The following ZNF75A variants were observed in gnomAD, a reference collection of about 807,000 sequenced individuals.
ZNF75A encodes the protein zinc finger protein 75A.
In ZNF75A, 36 loss-of-function variants were observed where a neutral mutation model predicts 46.3. The observed-to-expected ratio is 0.78, with a 90% CI of 0.60 to 1.03. The LOEUF is 1.03. ZNF75A is among the 50% of genes least tolerant of loss of function. The pLI is 0.00. For missense variants in ZNF75A, 595 were observed against 551.3 expected (o/e 1.08, Z -0.79); for synonymous variants, 234 against 189.9 (o/e 1.23, Z -1.91).
Position 3,317,686 on chromosome 16 carries a change from A to G in ZNF75A, c.1431A>G (p.Gln477=). 6.2e-7 allele frequency: 1 copy of G among 1,614,210 alleles called. No individual in the cohort carries two copies. Among genetic ancestry groups the G allele is most frequent in the Non-Finnish European group, 8.5e-7 (1 of 1,180,026 alleles). ...FSQNTNLHTH[Q]RTHTGEKPFT... The stretch of plus-strand genomic sequence containing the variant: ...AAAATACAAATTTACATACACACCA[A>G]AGAACTCATACAGGAGAAAAGCCCT... Residue 477 remains glutamine (Q), a synonymous_variant, in exon 7 of 7, where the codon CAA becomes CAG. Coordinates refer to ENST00000669516, the MANE Select transcript of ZNF75A (RefSeq NM_001302109.2).
downstream of ZNF75A, chr16:3,322,990 C>T (rs967598946): frequency 1.1e-6 from 1 of 939,038 alleles, no homozygotes; most frequent in African/African-American, 1.8e-5. Context: ...GGAATTTTTC[C>T]TTGGAACTGG....
At chr16:3,313,015 C>A (rs1960927823) in intron 4 of ZNF75A, 34 bp from the exon 5 acceptor site, 2 of 1,592,858 alleles carry the variant, frequency 1.3e-6, no homozygotes, top group South Asian at 2.3e-5. Flanking sequence ...TGTACAGTGG[C>A]AGGTTCTGAG....
chr16:3,310,749 GA>G, intron 2 of ZNF75A: 1 of 985,454 alleles, frequency 1.0e-6, no homozygotes, highest in Non-Finnish European at 1.2e-6. Flanking sequence ...CCAAGGACAG[GA>G]AATGCACTGA....
Position 3,311,924 on chromosome 16 carries a change from G to A in ZNF75A, c.580G>A (p.Glu194Lys). ...QEQLSRNTHK[E>K]TEPVYERAVP... is the part of the protein sequence containing the mutation. ...ACAGCTCAGCAGGAATACTCATAAA[G>A]AGACTGAGCCTGTGTATGAGAGGGG... Residue 194 changes from glutamate to lysine, a missense_variant, in exon 3 of 7, where the codon GAG becomes AAG. Coordinates refer to ENST00000669516, the MANE Select transcript of ZNF75A (RefSeq NM_001302109.2). 1.0e-6 allele frequency: 1 copy of A among 987,458 alleles called. No homozygotes were observed. The highest frequency in any genetic ancestry group is 1.2e-6 in the Non-Finnish European group (1 of 830,564). The allele number at this position is 987,458 out of a possible 1,614,324, so 61.2% of individuals were successfully genotyped here. A position where few individuals can be genotyped will look rare whatever the true frequency, so the allele number is the denominator to read the frequency against.
downstream of ZNF75A, chr16:3,323,119 C>A (rs752890420): frequency 3.4e-5 from 18 of 528,988 alleles, no homozygotes; most frequent in African/African-American, 3.4e-4. Context: ...TAAAAAAAAT[C>A]TCAAAAAAAC....
Position 3,311,834 on chromosome 16 carries a change from G to T in ZNF75A, c.490G>T (p.Glu164Ter), listed in dbSNP as rs969762366. Residue 164 changes from glutamate (E) to a stop codon, truncating the protein, a stop_gained, in exon 3 of 7, where the codon GAG (glutamate) becomes TAG (stop). Transcript: ENST00000669516. LOFTEE classifies it high-confidence loss of function. ...EASSFGLKPTESQPVGVSQDE... is the reference protein window; with the variant it reads ...EASSFGLKPT ...CTCAAGTTTCGGGCTGAAGCCAACAGAGTCCCAACCAGTGGGCGTATCCCA... is the reference window on the plus strand; with the variant it reads ...CTCAAGTTTCGGGCTGAAGCCAACATAGTCCCAACCAGTGGGCGTATCCCA... 9.6e-7 allele frequency: 1 copy of T among 1,046,790 alleles called. No individual in the cohort carries two copies. The highest frequency in any genetic ancestry group is 3.5e-5 in the South Asian group (1 of 28,520). 64.8% of individuals were successfully genotyped at this position (1,046,790 alleles called of 1,614,324 possible). A position where few individuals can be genotyped will look rare whatever the true frequency, so the allele number is the denominator to read the frequency against.
chr16:3,313,138 T>A lies in ZNF75A; in HGVS notation c.786T>A (p.Asp262Glu), dbSNP rs755434992. The A allele has an allele frequency of 3.7e-6, 6 of 1,614,054 alleles. No individual in the cohort carries two copies. Among genetic ancestry groups the A allele is most frequent in the Non-Finnish European group, 5.1e-6 (6 of 1,179,960 alleles). ...CCACTCAGAAGGCCCTCTACAATGA[T>A]GTAATGCAGGAAAACTATGAGACTG... Reference protein sequence around the residue: ...LDPTQKALYNDVMQENYETVI... With the variant: ...LDPTQKALYNEVMQENYETVI... The change falls in exon 5 of 7, where the codon GAT (aspartate) becomes GAA (glutamate). Residue 262 changes from aspartate (D) to glutamate (E), a missense_variant. Asp to Glu is a conservative substitution (Grantham distance 45, BLOSUM62 2). Coordinates refer to ENST00000669516, the MANE Select transcript of ZNF75A (RefSeq NM_001302109.2).
chr16:3,309,418 C>G (rs954231187), intron 2 of ZNF75A: 4 of 147,606 alleles, frequency 2.7e-5, no homozygotes, highest in African/African-American at 1.0e-4. Flanking sequence ...CCATTGCACT[C>G]CAGCCTGGGC....
chr16:3,323,051 A>T, downstream of ZNF75A: 2 of 638,314 alleles, frequency 3.1e-6, no homozygotes, highest in Non-Finnish European at 4.5e-6. Context: ...CTTTTTTTTT[A>T]ACCCTTCCTT....
chr16:3,323,374 G>A (rs1417407496), downstream of ZNF75A: 14 of 999,778 alleles, frequency 1.4e-5, no homozygotes, highest in Non-Finnish European at 1.9e-5. Flanking sequence ...GGTCTTCCAA[G>A]CAAATGACAC....
In ZNF75A at chr16:3,313,112, C is replaced by T; in HGVS notation, c.760C>T (p.Pro254Ser). ...FSQEEWELLDPTQKALYNDVM... is the reference protein window; with the variant it reads ...FSQEEWELLDSTQKALYNDVM... ...CCAGGAAGAATGGGAGTTATTGGATCCCACTCAGAAGGCCCTCTACAATGA... is the reference window on the plus strand; with the variant it reads ...CCAGGAAGAATGGGAGTTATTGGATTCCACTCAGAAGGCCCTCTACAATGA... Residue 254 changes from proline (P) to serine (S), a missense_variant, in exon 5 of 7, where the codon CCC becomes TCC. Coordinates refer to ENST00000669516, the MANE Select transcript of ZNF75A (RefSeq NM_001302109.2). 1 of 1,613,914 alleles carries T rather than the reference C, an allele frequency of 6.2e-7. No homozygotes were observed. The highest frequency in any genetic ancestry group is 8.5e-7 in the Non-Finnish European group (1 of 1,179,850).
chr16:3,305,948 CTGCGCCCG>C (rs1233315285), intron 1 of ZNF75A: 7 of 152,238 alleles, frequency 4.6e-5, no homozygotes, highest in Admixed American at 2.0e-4. Context: ...GTGCCTGCAG[CTGCGCCCG>C]CAGACTCTTT....
chr16:3,311,198 GA>G (rs1960755239), intron 2 of ZNF75A, among the ~76,000 whole-genome samples: 1 of 150,908 alleles, frequency 6.6e-6, no homozygotes, highest in African/African-American at 2.5e-5. Flanking sequence ...AGCACTTTGG[GA>G]GGCTGAGGTG....
chr16:3,310,843 G>C, intron 2 of ZNF75A: 1 of 985,538 alleles, frequency 1.0e-6, no homozygotes, highest in Non-Finnish European at 1.2e-6. Flanking sequence ...GACAAGTTGG[G>C]AGCCAGGGTA....
intron 2 of ZNF75A, chr16:3,310,647 A>G: frequency 1.0e-6 from 1 of 985,444 alleles, no homozygotes; most frequent in South Asian, 4.7e-5. Context: ...AAACAAACAA[A>G]AAAAACAACT....
At chr16:3,312,097 T>G (rs1052258881) in intron 3 of ZNF75A, 149 bp downstream of exon 3, 6 of 202,900 alleles carry the variant, frequency 3.0e-5, no homozygotes, top group African/African-American at 1.4e-4. Flanking sequence ...CAGGCAGCAG[T>G]AGAAATGCCA....
In ZNF75A at chr16:3,317,853, A is replaced by G. The variant is rs1961347757; in HGVS notation, c.1598A>G (p.Gln533Arg). Residue 533 changes from glutamine (Q) to arginine (R), a missense_variant, in exon 7 of 7, where the codon CAG (glutamine) becomes CGG (arginine). By Grantham distance (43) the Gln-to-Arg change is conservative. Coordinates refer to ENST00000669516, the MANE Select transcript of ZNF75A (RefSeq NM_001302109.2). ...FSRRSSLLRH[Q>R]KLHL The stretch of plus-strand genomic sequence containing the variant: ...AGGCGGTCAAGCCTTCTTAGACACC[A>G]GAAACTCCACCTGTGAAGAGAAGCT... The G allele has an allele frequency of 6.2e-7, 1 of 1,608,496 alleles. No homozygotes were observed. The highest frequency in any genetic ancestry group is 8.5e-7 in the Non-Finnish European group (1 of 1,176,658).
intron 2 of ZNF75A, 28 bp from the exon 3 acceptor site, chr16:3,311,725 T>G (rs983593722): frequency 1.9e-6 from 2 of 1,040,474 alleles, no homozygotes; most frequent in African/African-American, 1.7e-5. Context: ...GTAAGTTCTG[T>G]GGTAACAAGG....
In ZNF75A at chr16:3,318,431, A is replaced by G. The variant is rs1961389167; in HGVS notation, c.*562A>G. ...GAATCTCCAGATGAACTATTAATGC[A>G]CTGTCTTATGCCTCTCATTGGTGAT... On this transcript the variant is annotated 3_prime_UTR_variant, in exon 7 of 7. Coordinates refer to ENST00000669516, the MANE Select transcript of ZNF75A (RefSeq NM_001302109.2). 5.1e-6 allele frequency: 5 copies of G among 986,170 alleles called. No homozygotes were observed. Among genetic ancestry groups the G allele is most frequent in the Admixed American group, 6.1e-5 (1 of 16,366 alleles). 61.1% of individuals were successfully genotyped at this position (986,170 alleles called of 1,614,324 possible). A position where few individuals can be genotyped will look rare whatever the true frequency, so the allele number is the denominator to read the frequency against.
Sources: gnomAD v4.1 joint callset for allele counts (sites outside exome capture counted in the v4.1 genomes callset) on GRCh38, gnomAD v4.1.1 for gene constraint, MANE v1.5 for transcripts, NCBI Gene and HGNC (gene_info 2026-07-23, HGNC 2026-07-21) for gene names.